The following MSR1 variants were observed in gnomAD, a reference collection of about 807,000 sequenced individuals.
MSR1 encodes macrophage scavenger receptor 1, also known as macrophage scavenger receptor types I and II.
A neutral mutation model predicts 47.2 loss-of-function variants in MSR1; 53 were observed. The observed-to-expected ratio is 1.12, with a 90% CI of 0.90 to 1.41. MSR1 has a LOEUF of 1.41. Ranked by LOEUF, MSR1 falls within the 40% of genes most tolerant of loss-of-function variation. The pLI is 0.00. For synonymous variants in MSR1, 239 were observed against 185.6 expected, an observed-to-expected ratio of 1.29 and a Z score of -2.34; for missense variants, 786 against 546.9, an observed-to-expected ratio of 1.44 and a Z score of -4.36.
intron 8 of MSR1, among the ~76,000 whole-genome samples, chr8:16,133,942 T>C (rs2117090478): frequency 1.3e-5 from 2 of 152,316 alleles, no homozygotes; most frequent in Middle Eastern, 3.4e-3. Context: ...TGGTGTTGGC[T>C]GTTGTTCTGC....
At chr8:16,127,081 A>C (rs10503574) in intron 8 of MSR1, among the ~76,000 whole-genome samples, 20,013 of 152,158 alleles carry the variant, frequency 0.13, 2,063 homozygotes, top group African/African-American at 0.26. Context: ...GATGGGAGAA[A>C]AAAAGTATCA....
chr8:16,168,034 T>C (rs1395705833), intron 4 of MSR1, among the ~76,000 whole-genome samples: 2 of 152,058 alleles, frequency 1.3e-5, no homozygotes, highest in African/African-American at 4.8e-5. Flanking sequence ...GTGAGGACCA[T>C]GTATAAGTTC....
intron 9 of MSR1, among the ~76,000 whole-genome samples, chr8:16,115,170 A>AT (rs1799850123): frequency 6.6e-6 from 1 of 152,010 alleles, no homozygotes; most frequent in Non-Finnish European, 1.5e-5. Context: ...CAAGAGCGAA[A>AT]CTCCATCTCG....
rs775999565 is a variant in MSR1 at position 16,176,903 on chromosome 8, T to C, written c.103+983A>G. 2.6e-5 allele frequency among the ~76,000 whole-genome samples: 4 copies of C among 152,220 alleles called. 1 individual carries two copies. Among genetic ancestry groups the C allele is most frequent in the Admixed American group, 6.5e-5 (1 of 15,282 alleles). On this transcript the variant is annotated intron_variant, in intron 2 of 9. Transcript: ENST00000262101. ...GTTGAGGTCTGTATTTCAGGTTTGC[T>C]ATGTAAGAACTCATATATGAGGCTT...
chr8:16,128,339 T>C (rs1480261891), intron 8 of MSR1, among the ~76,000 whole-genome samples: 1 of 152,020 alleles, frequency 6.6e-6, no homozygotes, highest in East Asian at 1.9e-4. Flanking sequence ...TCAGGTTCAA[T>C]TAGGTCATAA....
chr8:16,142,260 G>C (rs1800578464), intron 8 of MSR1, among the ~76,000 whole-genome samples: 1 of 152,116 alleles, frequency 6.6e-6, no homozygotes, highest in African/African-American at 2.4e-5. Context: ...CAACCCGGGA[G>C]GTGGAGGTTG....
chr8:16,150,090 A>T (rs915378825), intron 7 of MSR1, 141 bp downstream of exon 7: 19 of 201,834 alleles, frequency 9.4e-5, no homozygotes, highest in Non-Finnish European at 1.9e-4. Flanking sequence ...AGAATTTAAA[A>T]ATATGTATAC....
intron 8 of MSR1, chr8:16,141,116 G>T: frequency 6.5e-7 from 1 of 1,546,034 alleles, no homozygotes; most frequent in Non-Finnish European, 8.9e-7. Flanking sequence ...AAATTTTAAA[G>T]ATGCATATGA....
intron 5 of MSR1, among the ~76,000 whole-genome samples, chr8:16,162,176 C>G (rs1163072785): frequency 6.6e-6 from 1 of 151,870 alleles, no homozygotes; most frequent in South Asian, 2.1e-4. Context: ...AAGAGAATGA[C>G]AAACAGATTG....
intron 2 of MSR1, among the ~76,000 whole-genome samples, chr8:16,176,602 A>G (rs1243955500): frequency 6.6e-6 from 1 of 152,114 alleles, no homozygotes; most frequent in Non-Finnish European, 1.5e-5. Flanking sequence ...GCAAGTGGAG[A>G]TATAGTCCAC....
In MSR1 at chr8:16,159,219, C is replaced by CCT. The variant is rs572233503; in HGVS notation, c.818-4076_818-4075insAG. Among the ~76,000 whole-genome samples, 758 of 151,866 alleles carry CCT rather than the reference C, an allele frequency of 5.0e-3. 23 individuals carry two copies. The highest frequency in any genetic ancestry group is 0.034 in the East Asian group (173 of 5,164). ...ATCAATATTTCTTTTTTGGTGCTTT[C>CCT]ATATCCTAGGAAGCCAATATATCTA... On this transcript the variant is annotated intron_variant, in intron 5 of 9. Transcript: ENST00000262101.
At position 16,110,286 on chromosome 8, in the gene MSR1, G is replaced by A; in HGVS notation, c.1223-68C>T. On this transcript the variant is annotated intron_variant, in intron 9 of 9. Coordinates refer to ENST00000262101, the MANE Select transcript of MSR1 (RefSeq NM_138715.3). ...AGTGTTTCTCTTTGAGTGGGGCAAA[G>A]CCATTAATTCCTTCACTAATTAAAC... 7 of 1,549,900 alleles carry A rather than the reference G, an allele frequency of 4.5e-6. 1 individual carries two copies. The South Asian group carries it at 7.8e-5, about 17-fold the overall frequency.
intron 4 of MSR1, among the ~76,000 whole-genome samples, chr8:16,167,438 G>A (rs1301451919): frequency 1.3e-5 from 2 of 152,124 alleles, no homozygotes; most frequent in Non-Finnish European, 2.9e-5. Flanking sequence ...CCAGCTACAT[G>A]GGAGGCTAAG....
At chr8:16,175,114 G>A in intron 3 of MSR1, 73 bp downstream of exon 3, 1 of 1,177,266 alleles carries the variant, frequency 8.5e-7, no homozygotes, top group Admixed American at 1.7e-5. Context: ...AAGACTGAAT[G>A]CTTCTTTTTT....
At chr8:16,182,920 A>C (rs139345739) in intron 1 of MSR1, among the ~76,000 whole-genome samples, 1 of 152,272 alleles carries the variant, frequency 6.6e-6, no homozygotes, top group East Asian at 1.9e-4. Flanking sequence ...ACGTAACTGT[A>C]TGTGCTATAC....
intron 3 of MSR1, among the ~76,000 whole-genome samples, chr8:16,170,753 T>G (rs1039630889): frequency 6.6e-6 from 1 of 152,162 alleles, no homozygotes; most frequent in African/African-American, 2.4e-5. Flanking sequence ...ACATAGGATC[T>G]AGTTCCCTGA....
chr8:16,182,330 A>AACC (rs1015072151), intron 1 of MSR1, among the ~76,000 whole-genome samples: 1 of 152,182 alleles, frequency 6.6e-6, no homozygotes, highest in Non-Finnish European at 1.5e-5. Context: ...GTGAATGTGA[A>AACC]ACACTGTAGA....
At chr8:16,176,092 C>T (rs1801638068) in intron 2 of MSR1, among the ~76,000 whole-genome samples, 1 of 152,072 alleles carries the variant, frequency 6.6e-6, no homozygotes, top group Admixed American at 6.6e-5. Context: ...ATGGTCATTG[C>T]TTTCATTGAT....
rs550278056 is a variant in MSR1, at chr8:16,146,350, G to C, written c.980-2739C>G. 1.3e-3 allele frequency among the ~76,000 whole-genome samples: 197 copies of C among 151,464 alleles called. 1 individual carries two copies. Among genetic ancestry groups the C allele is most frequent in the African/African-American group, 4.7e-3 (192 of 41,220 alleles). The stretch of plus-strand genomic sequence containing the variant: ...TTATCTTTCCATAAGCATTTAAGTG[G>C]TACTCAGATCCTTCCTTCAAAGAAA... On this transcript the variant is annotated intron_variant, in intron 7 of 9. Transcript: ENST00000262101.
Sources: allele counts gnomAD v4.1 joint callset (sites outside exome capture counted in the v4.1 genomes callset), GRCh38; gene constraint gnomAD v4.1.1; transcripts MANE v1.5; gene names NCBI Gene and HGNC (gene_info 2026-07-23, HGNC 2026-07-21).